The following PPP1R12A variants were observed in gnomAD, a reference collection of about 807,000 sequenced individuals.
PPP1R12A encodes the protein myosin binding subunit.
A neutral mutation model predicts 139.6 loss-of-function variants in PPP1R12A; 19 were observed. That is an observed-to-expected ratio of 0.14 (90% CI 0.09 to 0.20). The LOEUF (loss-of-function observed/expected upper bound fraction) is 0.20. PPP1R12A is among the 10% of genes least tolerant of loss of function. PPP1R12A has a pLI of 1.00. For missense variants in PPP1R12A, 925 were observed against 1,211.5 expected (o/e 0.76, Z 3.51); for synonymous variants, 427 against 420.6 (o/e 1.02, Z -0.19).
In PPP1R12A at chr12:79,934,833, C is replaced by T; in HGVS notation, c.99G>A (p.Lys33=). The change falls in exon 1 of 25, where the codon AAG becomes AAA. Residue 33 remains lysine, a synonymous_variant. Transcript: ENST00000450142. The part of the protein sequence containing the change: ...DLEPPVVKRQ[K]TKVKFDDGAV... ...CGCCATCGTCGAACTTCACCTTGGT[C>T]TTCTGGCGCTTCACCACCGGAGGCT... The T allele has an allele frequency of 6.2e-7, 1 of 1,610,638 alleles. No individual in the cohort carries two copies. Among genetic ancestry groups the T allele is most frequent in the Non-Finnish European group, 8.5e-7 (1 of 1,178,616 alleles).
intron 1 of PPP1R12A, among the ~76,000 whole-genome samples, chr12:79,873,734 A>G (rs1029395234): frequency 3.3e-5 from 5 of 152,092 alleles, no homozygotes; most frequent in Non-Finnish European, 1.5e-5. Flanking sequence ...TACATATTAA[A>G]TCTTGGCCCT....
At chr12:79,894,227 C>T (rs549746154) in intron 1 of PPP1R12A, among the ~76,000 whole-genome samples, 26 of 152,288 alleles carry the variant, frequency 1.7e-4, no homozygotes, top group Non-Finnish European at 3.1e-4. Flanking sequence ...ACTACTGCCA[C>T]AAAAGGAATT....
At chr12:79,837,878 A>T (rs907799304) in intron 3 of PPP1R12A, among the ~76,000 whole-genome samples, 3 of 152,176 alleles carry the variant, frequency 2.0e-5, no homozygotes, top group Non-Finnish European at 2.9e-5. Context: ...TTTCCTTTAT[A>T]AATTACCCAC....
chr12:79,798,113 T>A (rs1486713613), intron 15 of PPP1R12A, among the ~76,000 whole-genome samples: 1 of 152,170 alleles, frequency 6.6e-6, no homozygotes, highest in African/African-American at 2.4e-5. Context: ...TCATAGAACT[T>A]TTAAATACTT....
intron 2 of PPP1R12A, among the ~76,000 whole-genome samples, chr12:79,872,509 C>T (rs1882682624): frequency 6.6e-6 from 1 of 151,944 alleles, no homozygotes; most frequent in African/African-American, 2.4e-5. Context: ...AGTATTAACC[C>T]TCAATCATTT....
At chr12:79,782,741 T>G in intron 22 of PPP1R12A, 1 of 281,310 alleles carries the variant, frequency 3.6e-6, no homozygotes, top group Non-Finnish European at 7.1e-6. Context: ...GAAAATGAAT[T>G]CCTCAAAAGC....
At chr12:79,810,245 T>C (rs1399946594) in intron 9 of PPP1R12A, among the ~76,000 whole-genome samples, 2 of 152,270 alleles carry the variant, frequency 1.3e-5, no homozygotes, top group African/African-American at 4.8e-5. Flanking sequence ...ACTACACACT[T>C]TATATCACAC....
At position 79,934,791 on chromosome 12, in the gene PPP1R12A, A is replaced by G; in HGVS notation, c.141T>C (p.Ala47=). Residue 47 remains alanine, a synonymous_variant, in exon 1 of 25, where the codon GCT becomes GCC. Transcript: ENST00000450142. ...CCTCGTCCGTGTCGCCGCTGGAGCA[A>G]GCAGCCAGGAAGACGGCGCCATCGT... ...KFDDGAVFLA[A]CSSGDTDEVL... The G allele has an allele frequency of 1.3e-6, 2 of 1,569,722 alleles. No homozygotes were observed. Among genetic ancestry groups the G allele is most frequent in the Non-Finnish European group, 1.7e-6 (2 of 1,157,422 alleles).
intron 9 of PPP1R12A, among the ~76,000 whole-genome samples, chr12:79,810,509 A>G (rs760978129): frequency 5.9e-5 from 9 of 152,212 alleles, no homozygotes; most frequent in Non-Finnish European, 7.3e-5. Flanking sequence ...CAATGAAATC[A>G]TACTAAAGCC....
chr12:79,809,065 G>A (rs1400064790), intron 10 of PPP1R12A, among the ~76,000 whole-genome samples: 2 of 152,002 alleles, frequency 1.3e-5, no homozygotes, highest in African/African-American at 4.8e-5. Flanking sequence ...AGTGTGTAGT[G>A]ACAATGACAC....
intron 2 of PPP1R12A, among the ~76,000 whole-genome samples, chr12:79,865,360 T>G (rs772457106): frequency 6.6e-6 from 1 of 152,128 alleles, no homozygotes; most frequent in Non-Finnish European, 1.5e-5. Context: ...ACAGCCAATA[T>G]CGTATTGAAT....
At chr12:79,868,325 A>G (rs1304403291) in intron 2 of PPP1R12A, among the ~76,000 whole-genome samples, 1 of 152,136 alleles carries the variant, frequency 6.6e-6, no homozygotes, top group East Asian at 1.9e-4. Flanking sequence ...ATACTGTTCC[A>G]TTTCATTTTT....
intron 1 of PPP1R12A, among the ~76,000 whole-genome samples, chr12:79,890,942 C>CACACACAT (rs1367363872): frequency 6.7e-6 from 1 of 148,812 alleles, no homozygotes; most frequent in Non-Finnish European, 1.5e-5. Flanking sequence ...CACACACACA[C>CACACACAT]ATTCACTCAC....
At chr12:79,812,741 T>A (rs1343602460) in intron 9 of PPP1R12A, among the ~76,000 whole-genome samples, 1 of 152,126 alleles carries the variant, frequency 6.6e-6, no homozygotes, top group Non-Finnish European at 1.5e-5. Context: ...TCAGTATGTC[T>A]AAAATAAAAC....
rs777879276 is a variant in PPP1R12A, at chr12:79,788,627, ATAAC to A, written c.2802+17_2802+20del. The A allele has an allele frequency of 4.4e-6, 7 of 1,578,034 alleles. No homozygotes were observed. In the South Asian group the frequency reaches 5.9e-5, roughly 13 times the overall value. On this transcript the variant is annotated intron_variant, in intron 21 of 24. Coordinates refer to ENST00000450142, the MANE Select transcript of PPP1R12A (RefSeq NM_002480.3). ...CATAAAAGATAACTTTTTATTAAAT[ATAAC>A]TAAATAACCCAAGTACCTTTTTAAA...
intron 23 of PPP1R12A, 137 bp downstream of exon 23, chr12:79,781,678 C>T (rs1870464378): frequency 2.1e-6 from 1 of 485,944 alleles, no homozygotes; most frequent in South Asian, 4.7e-5. Flanking sequence ...GAAGTTGCTG[C>T]AAAATACATT....
chr12:79,900,973 A>T (rs1885584390), intron 1 of PPP1R12A, among the ~76,000 whole-genome samples: 1 of 152,210 alleles, frequency 6.6e-6, no homozygotes, highest in Admixed American at 6.5e-5. Flanking sequence ...CATTTCCTGA[A>T]TATCTAGCAA....
At position 79,845,257 on chromosome 12, in the gene PPP1R12A, A is replaced by G. The variant is rs1440405444; in HGVS notation, c.487+45T>C. 7.1e-6 allele frequency: 10 copies of G among 1,408,612 alleles called. No homozygotes were observed. In the East Asian group the frequency reaches 2.3e-4, roughly 33 times the overall value. 87.3% of individuals were successfully genotyped at this position (1,408,612 alleles called of 1,614,324 possible). ...AATATTTTTGCTGGAAAAGTATCAC[A>G]TTCTTTCTAAAACATTTTTCCATTT... On this transcript the variant is annotated intron_variant, in intron 3 of 24. Coordinates refer to ENST00000450142, the MANE Select transcript of PPP1R12A (RefSeq NM_002480.3).
chr12:79,835,795 A>T (rs1191747076), intron 3 of PPP1R12A, among the ~76,000 whole-genome samples: 1 of 152,126 alleles, frequency 6.6e-6, no homozygotes, highest in Non-Finnish European at 1.5e-5. Flanking sequence ...CCTTACCATC[A>T]TCTAGTGTTC....
Sources: gnomAD v4.1 joint callset for allele counts (sites outside exome capture counted in the v4.1 genomes callset) on GRCh38, gnomAD v4.1.1 for gene constraint, MANE v1.5 for transcripts, NCBI Gene and HGNC (gene_info 2026-07-23, HGNC 2026-07-21) for gene names.